Variants in TAFA1 observed in about 807,000 individuals in gnomAD.
The protein encoded by TAFA1 is TAFA chemokine like family member 1.
TAFA1 carries 4 observed loss-of-function variants against 18.5 expected under a neutral mutation model. The ratio of observed to expected loss-of-function variants is 0.22; its 90% confidence interval spans 0.11 to 0.49. The LOEUF is 0.49. Among genes scored for constraint, TAFA1 ranks in the 20% least tolerant of loss-of-function variants. The pLI is 0.98. For synonymous variants in TAFA1, 56 were observed against 55.2 expected (o/e 1.01, Z -0.06); for missense variants, 147 against 169.0 (o/e 0.87, Z 0.72).
intron 2 of TAFA1, among the ~76,000 whole-genome samples, chr3:68,207,651 T>G (rs2107058200): frequency 6.6e-6 from 1 of 152,136 alleles, no homozygotes; most frequent in South Asian, 2.1e-4. Flanking sequence ...ACACACAGTT[T>G]GTTGTCAACA....
At chr3:68,132,220 T>C (rs542550968) in intron 2 of TAFA1, among the ~76,000 whole-genome samples, 2 of 152,352 alleles carry the variant, frequency 1.3e-5, no homozygotes, top group Admixed American at 1.3e-4. Flanking sequence ...TCATCCTTTT[T>C]ATGGCTGCAT....
chr3:68,115,201 A>T (rs181487429), intron 2 of TAFA1, among the ~76,000 whole-genome samples: 1 of 152,194 alleles, frequency 6.6e-6, no homozygotes, highest in Admixed American at 6.5e-5. Context: ...ACAGTTTGCT[A>T]TACGGTAATT....
chr3:68,400,049 G>A (rs1486814805), intron 2 of TAFA1, among the ~76,000 whole-genome samples: 1 of 152,164 alleles, frequency 6.6e-6, no homozygotes, highest in African/African-American at 2.4e-5. Context: ...GGTCCAGTCT[G>A]ACTTAACCAG....
At chr3:68,437,640 A>G (rs778982149) in intron 3 of TAFA1, among the ~76,000 whole-genome samples, 2 of 152,060 alleles carry the variant, frequency 1.3e-5, no homozygotes, top group African/African-American at 4.8e-5. Flanking sequence ...CCATGAATCC[A>G]TTAAGGAATT....
intron 2 of TAFA1, among the ~76,000 whole-genome samples, chr3:68,343,001 C>A (rs768363427): frequency 8.5e-5 from 13 of 152,092 alleles, no homozygotes; most frequent in Non-Finnish European, 1.8e-4. Flanking sequence ...GGTTTAGTTG[C>A]TTTAACAAAG....
chr3:68,299,332 A>G (rs567874291), intron 2 of TAFA1, among the ~76,000 whole-genome samples: 2 of 152,336 alleles, frequency 1.3e-5, no homozygotes, highest in South Asian at 4.1e-4. Context: ...TGCTCTAGAG[A>G]TCTGTGAACT....
chr3:68,236,341 A>G (rs1288941039), intron 2 of TAFA1, among the ~76,000 whole-genome samples: 2 of 152,248 alleles, frequency 1.3e-5, no homozygotes, highest in Non-Finnish European at 1.5e-5. Flanking sequence ...TACTTTAAAA[A>G]ATATATTTCC....
In TAFA1 at chr3:68,406,755, A is replaced by G. The variant is rs143777521; in HGVS notation, c.119-10525A>G. On this transcript the variant is annotated intron_variant, in intron 2 of 4. Coordinates refer to ENST00000478136, the MANE Select transcript of TAFA1 (RefSeq NM_213609.4). Reference sequence around the variant, plus strand: ...TAGCCCAAAGGCAGTCTGATGTCCAATCCATTACATGAGTTCCCTTTCCTC... The same window carrying G: ...TAGCCCAAAGGCAGTCTGATGTCCAGTCCATTACATGAGTTCCCTTTCCTC... Among the ~76,000 whole-genome samples, 613 of 152,316 alleles carry G rather than the reference A, an allele frequency of 4.0e-3. 5 individuals carry two copies. Among genetic ancestry groups the G allele is most frequent in the African/African-American group, 0.013 (556 of 41,574 alleles).
At chr3:68,520,810 T>C (rs568644892) in intron 3 of TAFA1, among the ~76,000 whole-genome samples, 140 of 152,300 alleles carry the variant, frequency 9.2e-4, no homozygotes, top group African/African-American at 3.1e-3. Context: ...TTAATATTAA[T>C]GCAAAATCTC....
At chr3:68,141,563 A>C (rs1041188349) in intron 2 of TAFA1, among the ~76,000 whole-genome samples, 1 of 152,212 alleles carries the variant, frequency 6.6e-6, no homozygotes, top group African/African-American at 2.4e-5. Context: ...CCAACTAGAC[A>C]CATGACCTAG....
intron 2 of TAFA1, chr3:68,145,238 C>T (rs1031929100): frequency 2.5e-5 from 20 of 789,214 alleles, no homozygotes; most frequent in African/African-American, 6.8e-5. Flanking sequence ...GTCAGTAGGA[C>T]GAAGAGTCTG....
chr3:68,141,423 G>C (rs992622786), intron 2 of TAFA1, among the ~76,000 whole-genome samples: 1 of 152,096 alleles, frequency 6.6e-6, no homozygotes, highest in African/African-American at 2.4e-5. Flanking sequence ...CCTTTATTAA[G>C]AGAGAGAACT....
rs556352384 is a variant in TAFA1 at position 68,207,403 on chromosome 3, C to A, written c.118+200659C>A. 6.6e-5 allele frequency among the ~76,000 whole-genome samples: 10 copies of A among 151,900 alleles called. No homozygotes were observed. The East Asian group carries it at 1.8e-3, about 27-fold the overall frequency. ...AAGTGAAAAATATGACCACATGTTA[C>A]CTGTGCAGTAGAGTATTGTCTAACC... is the stretch of plus-strand genomic sequence containing the variant. On this transcript the variant is annotated intron_variant, in intron 2 of 4. Transcript: ENST00000478136.
chr3:68,542,937 A>C (rs528210556), intron 4 of TAFA1, among the ~76,000 whole-genome samples: 20 of 152,176 alleles, frequency 1.3e-4, no homozygotes, highest in Non-Finnish European at 2.1e-4. Context: ...GGGATGACTT[A>C]GAGTTCTGTC....
intron 2 of TAFA1, among the ~76,000 whole-genome samples, chr3:68,069,776 A>G (rs2064728162): frequency 6.6e-6 from 1 of 152,240 alleles, no homozygotes; most frequent in Non-Finnish European, 1.5e-5. Context: ...TGGCCAAAAC[A>G]TAGGGGCTAC....
At chr3:68,347,555 C>A (rs2069184332) in intron 2 of TAFA1, among the ~76,000 whole-genome samples, 1 of 152,168 alleles carries the variant, frequency 6.6e-6, no homozygotes, top group African/African-American at 2.4e-5. Context: ...GTTTCTGTTG[C>A]AACTGTGCAA....
intron 2 of TAFA1, among the ~76,000 whole-genome samples, chr3:68,365,544 C>T (rs2069550733): frequency 6.6e-6 from 1 of 151,836 alleles, no homozygotes. Flanking sequence ...GGATGTTGAC[C>T]CAAAAAATCA....
intron 2 of TAFA1, among the ~76,000 whole-genome samples, chr3:68,288,694 C>T (rs1329858557): frequency 2.0e-5 from 3 of 152,014 alleles, no homozygotes; most frequent in South Asian, 4.2e-4. Flanking sequence ...TTTGTTTATT[C>T]GTCTTATGCA....
At chr3:68,203,602 C>T (rs1559557395) in intron 2 of TAFA1, among the ~76,000 whole-genome samples, 1 of 151,658 alleles carries the variant, frequency 6.6e-6, no homozygotes, top group Non-Finnish European at 1.5e-5. Context: ...TAAGCCTATG[C>T]TCTGTACTGT....
Sources: allele counts gnomAD v4.1 joint callset (sites outside exome capture counted in the v4.1 genomes callset), GRCh38; gene constraint gnomAD v4.1.1; transcripts MANE v1.5; gene names NCBI Gene and HGNC (gene_info 2026-07-23, HGNC 2026-07-21).